Variants in IQGAP3 observed in about 807,000 individuals in gnomAD.
The protein encoded by IQGAP3 is ras GTPase-activating-like protein IQGAP3.
A neutral mutation model predicts 208.2 loss-of-function variants in IQGAP3; 165 were observed. That is an observed-to-expected ratio of 0.79 (90% CI 0.70 to 0.90). The LOEUF is 0.90. IQGAP3 is among the 40% of genes least tolerant of loss of function. The pLI is 0.00. For synonymous variants in IQGAP3, 703 were observed against 803.6 expected (o/e 0.87, Z 2.12); for missense variants, 1,811 against 2,043.1 (o/e 0.89, Z 2.19).
rs1322879743 is a variant in IQGAP3 at position 156,540,720 on chromosome 1, C to T, written c.2727G>A (p.Arg909=). Residue 909 remains arginine, a synonymous_variant, in exon 23 of 38, where the codon CGG becomes CGA. Coordinates refer to ENST00000361170, the MANE Select transcript of IQGAP3 (RefSeq NM_178229.5). The part of the protein sequence containing the change: ...DIKIGLLVKN[R]ITLQEVVSHC... Reference sequence around the variant, plus strand: ...GTGGGCCCCATACCTGCAGAGTGATCCGGTTCTTCACCAGCAGGCCAATCT... The same window carrying T: ...GTGGGCCCCATACCTGCAGAGTGATTCGGTTCTTCACCAGCAGGCCAATCT... 1.2e-6 allele frequency: 2 copies of T among 1,613,942 alleles called. No individual in the cohort carries two copies. Among genetic ancestry groups the T allele is most frequent in the South Asian group, 1.1e-5 (1 of 91,050 alleles).
At chr1:156,537,031 A>G (rs1674718723) in intron 27 of IQGAP3, 150 bp downstream of exon 27, 2 of 782,434 alleles carry the variant, frequency 2.6e-6, no homozygotes, top group Non-Finnish European at 2.0e-6. Context: ...AGCATTCCCC[A>G]CATCTCTTCA....
chr1:156,528,868 G>A lies in IQGAP3; in HGVS notation c.4571+48C>T, dbSNP rs762487661. 6 of 1,603,890 alleles carry A rather than the reference G, an allele frequency of 3.7e-6. No individual in the cohort carries two copies. In the Admixed American group the frequency reaches 6.7e-5, roughly 18 times the overall value. ...GCAGGGCAAAGGTGACATGGGCAGGGGTGAGAAGTCACTCGTAACCTTCCA... is the reference window on the plus strand; with the variant it reads ...GCAGGGCAAAGGTGACATGGGCAGGAGTGAGAAGTCACTCGTAACCTTCCA... On this transcript the variant is annotated intron_variant, in intron 35 of 37. Coordinates refer to ENST00000361170, the MANE Select transcript of IQGAP3 (RefSeq NM_178229.5).
At chr1:156,537,009 G>T in intron 27 of IQGAP3, 172 bp downstream of exon 27, 1 of 622,370 alleles carries the variant, frequency 1.6e-6, no homozygotes, top group Non-Finnish European at 2.7e-6. Context: ...CAGCTCTCTA[G>T]CAGGAGCTTC....
intron 37 of IQGAP3, among the ~76,000 whole-genome samples, 164 bp downstream of exon 37, chr1:156,527,788 C>T (rs1674172543): frequency 6.6e-6 from 1 of 152,188 alleles, no homozygotes; most frequent in Admixed American, 6.5e-5. Context: ...GGGGCTTGGG[C>T]TGCACAGACC....
intron 13 of IQGAP3, among the ~76,000 whole-genome samples, chr1:156,552,836 G>A (rs1675619098): frequency 6.6e-6 from 1 of 152,358 alleles, no homozygotes; most frequent in East Asian, 1.9e-4. Flanking sequence ...CACTTTGGGA[G>A]GCCAAGATGG....
intron 10 of IQGAP3, among the ~76,000 whole-genome samples, chr1:156,561,425 C>A (rs1676146384): frequency 6.6e-6 from 1 of 150,688 alleles, no homozygotes; most frequent in Admixed American, 6.7e-5. Context: ...CATCAGCCTC[C>A]CAAAGTGCTG....
chr1:156,538,311 C>T (rs183272348), intron 26 of IQGAP3, among the ~76,000 whole-genome samples: 239 of 152,334 alleles, frequency 1.6e-3, no homozygotes, highest in African/African-American at 5.2e-3. Flanking sequence ...CCGCCTGCCT[C>T]GGTCTCCCAA....
chr1:156,552,539 G>T (rs948879767), intron 13 of IQGAP3, among the ~76,000 whole-genome samples: 1 of 152,104 alleles, frequency 6.6e-6, no homozygotes, highest in African/African-American at 2.4e-5. Flanking sequence ...CCAAATCTTG[G>T]AGTCATACCT....
chr1:156,559,815 C>T (rs1464085073), intron 11 of IQGAP3, among the ~76,000 whole-genome samples: 1 of 152,128 alleles, frequency 6.6e-6, no homozygotes, highest in Non-Finnish European at 1.5e-5. Flanking sequence ...GTCTTATCTG[C>T]CAGGACAAGG....
intron 37 of IQGAP3, among the ~76,000 whole-genome samples, chr1:156,527,007 ATT>A (rs890366277): frequency 1.3e-5 from 2 of 150,936 alleles, no homozygotes; most frequent in African/African-American, 2.4e-5. Context: ...TAATTTTTGT[ATT>A]TTTAGTAGAG....
In IQGAP3 at chr1:156,537,226, G is replaced by A; in HGVS notation, c.3377C>T (p.Thr1126Ile). The A allele has an allele frequency of 6.2e-7, 1 of 1,614,118 alleles. No homozygotes were observed. Among genetic ancestry groups the A allele is most frequent in the Non-Finnish European group, 8.5e-7 (1 of 1,179,998 alleles). Reference protein sequence around the residue: ...DIALRNLLAMTDKFLLAITSS... With the variant: ...DIALRNLLAMIDKFLLAITSS... ...GGTGATGGCTAAAAGGAACTTATCA[G>A]TCATGGCGAGGAGGTTGCGTAGGGC... The change falls in exon 27 of 38, where the codon ACT becomes ATT. Residue 1126 changes from threonine (T) to isoleucine (I), a missense_variant. Thr to Ile is a moderately conservative substitution (Grantham distance 89). Transcript: ENST00000361170.
intron 12 of IQGAP3, among the ~76,000 whole-genome samples, 173 bp from the exon 13 acceptor site, chr1:156,554,565 G>A (rs559592021): frequency 6.6e-6 from 1 of 152,322 alleles, no homozygotes; most frequent in South Asian, 2.1e-4. Flanking sequence ...TACTTACTAT[G>A]TGCTCAATTA....
chr1:156,566,604 AC>A, intron 2 of IQGAP3, 58 bp from the exon 3 acceptor site: 1 of 1,544,788 alleles, frequency 6.5e-7, no homozygotes, highest in Non-Finnish European at 8.9e-7. Flanking sequence ...ATTTATTCTA[AC>A]AACAGGAACT....
rs570072733 is a variant in IQGAP3, at chr1:156,569,401, G to A, written c.100C>T (p.Leu34=). Residue 34 remains leucine, a synonymous_variant, in exon 2 of 38, where the codon CTG becomes TTG. Transcript: ENST00000361170. The part of the protein sequence containing the change: ...QRRQNVAYQY[L]CRLEEAKRWM... ...CGCTTGGCCTCCTCCAGCCGGCACA[G>A]GTACTGATAGGCAACATTCTGCCGC... The A allele has an allele frequency of 3.1e-6, 5 of 1,613,538 alleles. No homozygotes were observed. In the Admixed American group the frequency reaches 8.3e-5, roughly 27 times the overall value.
chr1:156,553,673 C>T (rs1224545162), intron 13 of IQGAP3, among the ~76,000 whole-genome samples: 1 of 151,810 alleles, frequency 6.6e-6, no homozygotes, highest in African/African-American at 2.4e-5. Flanking sequence ...CCTCCACCTC[C>T]CAGGTTCAAG....
chr1:156,530,313 G>A lies in IQGAP3; in HGVS notation c.4196C>T (p.Ala1399Val), dbSNP rs1159523671. ...LSLSASREQEAAHKQLMSRRQ... is the reference protein window; with the variant it reads ...LSLSASREQEVAHKQLMSRRQ... ...TCGGCTCATCAGCTGCTTGTGGGCT[G>A]CTTCCTGGGGACACACAGACGCTGG... The change falls in exon 34 of 38, where the codon GCA becomes GTA. Residue 1399 changes from alanine (A) to valine (V), a missense_variant. Ala to Val is a moderately conservative substitution (Grantham distance 64). Coordinates refer to ENST00000361170, the MANE Select transcript of IQGAP3 (RefSeq NM_178229.5). The A allele has an allele frequency of 6.2e-7, 1 of 1,606,458 alleles. No homozygotes were observed. The highest frequency in any genetic ancestry group is 8.5e-7 in the Non-Finnish European group (1 of 1,179,658).
intron 22 of IQGAP3, among the ~76,000 whole-genome samples, chr1:156,542,570 A>G (rs1201221948): frequency 6.6e-6 from 1 of 152,222 alleles, no homozygotes; most frequent in East Asian, 1.9e-4. Context: ...AATACAGCAT[A>G]TTAACTCCTC....
At chr1:156,539,699 T>G in intron 24 of IQGAP3, 139 bp downstream of exon 24, 2 of 1,193,380 alleles carry the variant, frequency 1.7e-6, no homozygotes, top group Non-Finnish European at 2.4e-6. Context: ...GAAGAGGTAG[T>G]CTCCTTTCCT....
intron 2 of IQGAP3, among the ~76,000 whole-genome samples, chr1:156,567,078 G>T (rs1246072058): frequency 1.3e-5 from 2 of 152,034 alleles, no homozygotes; most frequent in Non-Finnish European, 2.9e-5. Flanking sequence ...TGTTGGTCAG[G>T]CTGGTCTCAA....
Sources: allele counts gnomAD v4.1 joint callset (sites outside exome capture counted in the v4.1 genomes callset), GRCh38; gene constraint gnomAD v4.1.1; transcripts MANE v1.5; gene names NCBI Gene and HGNC (gene_info 2026-07-23, HGNC 2026-07-21).